The following CENPP variants were observed in gnomAD, a reference collection of about 807,000 sequenced individuals.
CENPP encodes centromere protein P.
CENPP carries 24 observed loss-of-function variants against 35.6 expected under a neutral mutation model. That is an observed-to-expected ratio of 0.67 (90% CI 0.49 to 0.95). The LOEUF (loss-of-function observed/expected upper bound fraction) is 0.95, where lower values mean the gene tolerates loss of function less well. CENPP is among the 40% of genes least tolerant of loss of function. The pLI is 0.00. For synonymous variants in CENPP, 120 were observed against 125.5 expected, an observed-to-expected ratio of 0.96 and a Z score of 0.29; for missense variants, 332 against 345.3, an observed-to-expected ratio of 0.96 and a Z score of 0.31.
At chr9:92,348,502 C>T (rs77663006) in intron 4 of CENPP, among the ~76,000 whole-genome samples, 16,479 of 151,560 alleles carry the variant, frequency 0.11, 1,041 homozygotes, top group South Asian at 0.22. Context: ...AAGTAAATTT[C>T]CTGCCTCAGC....
chr9:92,542,720 C>T (rs1163475714), intron 5 of CENPP, among the ~76,000 whole-genome samples: 1 of 152,152 alleles, frequency 6.6e-6, no homozygotes, highest in African/African-American at 2.4e-5. Flanking sequence ...TTTCAGCATG[C>T]TGGCCAGGAT....
At chr9:92,427,062 C>A (rs527481081) in intron 5 of CENPP, among the ~76,000 whole-genome samples, 1 of 152,230 alleles carries the variant, frequency 6.6e-6, no homozygotes, top group East Asian at 1.9e-4. Context: ...TTGTACAGTA[C>A]CAGAAAAAGG....
At chr9:92,438,644 A>G (rs1031733884) in intron 5 of CENPP, among the ~76,000 whole-genome samples, 3 of 152,230 alleles carry the variant, frequency 2.0e-5, no homozygotes, top group African/African-American at 7.2e-5. Context: ...TAGTATTTAA[A>G]CATTGCATTT....
intron 4 of CENPP, among the ~76,000 whole-genome samples, chr9:92,356,494 A>G (rs1588055318): frequency 6.6e-6 from 1 of 152,222 alleles, no homozygotes; most frequent in South Asian, 2.1e-4. Flanking sequence ...ATGTTTTACA[A>G]TCAATTAGTA....
intron 5 of CENPP, among the ~76,000 whole-genome samples, chr9:92,400,103 T>G (rs1035842810): frequency 6.6e-6 from 1 of 152,140 alleles, no homozygotes; most frequent in African/African-American, 2.4e-5. Context: ...ATCTTTATGA[T>G]TTTGAGTCAT....
intron 4 of CENPP, among the ~76,000 whole-genome samples, chr9:92,346,414 A>T (rs935704076): frequency 1.3e-5 from 2 of 152,228 alleles, no homozygotes; most frequent in African/African-American, 2.4e-5. Flanking sequence ...GCACTGTGCC[A>T]GCAGGGAGCA....
chr9:92,575,329 A>G (rs1272231398), intron 5 of CENPP, among the ~76,000 whole-genome samples: 1 of 152,232 alleles, frequency 6.6e-6, no homozygotes, highest in Non-Finnish European at 1.5e-5. Flanking sequence ...AATACAGAAT[A>G]TAAAGAGAAC....
At chr9:92,581,636 A>G (rs1018342888) in intron 5 of CENPP, among the ~76,000 whole-genome samples, 1 of 152,216 alleles carries the variant, frequency 6.6e-6, no homozygotes, top group African/African-American at 2.4e-5. Context: ...AGAATGTTAG[A>G]TTAAATAGAA....
At chr9:92,355,162 C>T (rs527620504) in intron 4 of CENPP, among the ~76,000 whole-genome samples, 14 of 152,198 alleles carry the variant, frequency 9.2e-5, no homozygotes, top group African/African-American at 3.1e-4. Flanking sequence ...TTTACCAGGG[C>T]GGAGTTTTTC....
At chr9:92,327,797 G>A (rs1233125964) in intron 1 of CENPP, among the ~76,000 whole-genome samples, 1 of 152,196 alleles carries the variant, frequency 6.6e-6, no homozygotes, top group Non-Finnish European at 1.5e-5. Flanking sequence ...GGAGGCCAGT[G>A]CTAGTGAAAA....
intron 5 of CENPP, among the ~76,000 whole-genome samples, chr9:92,382,369 G>C (rs1377546732): frequency 6.6e-6 from 1 of 151,930 alleles, no homozygotes; most frequent in African/African-American, 2.4e-5. Flanking sequence ...ATTTCTTTGT[G>C]TTGGGAACCG....
intron 5 of CENPP, among the ~76,000 whole-genome samples, chr9:92,597,111 T>C (rs1229734068): frequency 6.6e-6 from 1 of 152,208 alleles, no homozygotes; most frequent in Non-Finnish European, 1.5e-5. Flanking sequence ...TTTATAAGCT[T>C]AGGTTTTGGA....
At chr9:92,466,457 T>G (rs1013763853) in intron 5 of CENPP, 2 of 1,610,732 alleles carry the variant, frequency 1.2e-6, no homozygotes, top group Non-Finnish European at 1.7e-6. Context: ...TTGGGAAGAT[T>G]AAGTGGTATT....
chr9:92,411,714 A>G (rs1588110957), intron 5 of CENPP, among the ~76,000 whole-genome samples: 1 of 152,338 alleles, frequency 6.6e-6, no homozygotes, highest in East Asian at 1.9e-4. Flanking sequence ...GAGCTCTGAA[A>G]AAGGAAGGGT....
chr9:92,526,949 T>A (rs867770896), intron 5 of CENPP, among the ~76,000 whole-genome samples: 4 of 152,300 alleles, frequency 2.6e-5, no homozygotes, highest in East Asian at 1.9e-4. Flanking sequence ...TACCATTTTT[T>A]AAATTATTTT....
intron 5 of CENPP, among the ~76,000 whole-genome samples, chr9:92,608,738 T>TG (rs1226382411): frequency 2.0e-5 from 3 of 152,240 alleles, no homozygotes; most frequent in African/African-American, 7.2e-5. Flanking sequence ...TCCAGAAACA[T>TG]GCACTGAATG....
chr9:92,383,930 GT>G (rs1237375784), intron 5 of CENPP: 12 of 152,066 alleles, frequency 7.9e-5, no homozygotes. Flanking sequence ...GATTATGATA[GT>G]TTAAAGATTC....
chr9:92,405,762 G>A (rs1003472056), intron 5 of CENPP, among the ~76,000 whole-genome samples: 1 of 152,138 alleles, frequency 6.6e-6, no homozygotes, highest in African/African-American at 2.4e-5. Context: ...GGTACACTTT[G>A]ATGCTTTGTA....
chr9:92,415,515 G>C (rs112455272), intron 5 of CENPP: 3 of 1,208,652 alleles, frequency 2.5e-6, no homozygotes, highest in Non-Finnish European at 3.4e-6. Flanking sequence ...TTGTATTATA[G>C]TATAATCCAT....
Sources: allele counts gnomAD v4.1 joint callset (sites outside exome capture counted in the v4.1 genomes callset), GRCh38; gene constraint gnomAD v4.1.1; transcripts MANE v1.5; gene names NCBI Gene and HGNC (gene_info 2026-07-23, HGNC 2026-07-21).